The following ZNF471 variants were observed in gnomAD, a reference collection of about 807,000 sequenced individuals.
ZNF471 encodes the protein EZFIT-related protein 1.
Under a neutral mutation model 13.7 loss-of-function variants are expected in ZNF471, and 7 were observed. The ratio of observed to expected loss-of-function variants is 0.51; its 90% CI spans 0.29 to 0.96. ZNF471 has a LOEUF of 0.96. ZNF471 is among the 40% of genes least tolerant of loss of function. ZNF471 has a pLI of 0.08. For synonymous variants in ZNF471, 218 were observed against 235.6 expected (o/e 0.93, Z 0.68); for missense variants, 663 against 743.3 (o/e 0.89, Z 1.26).
At position 56,527,869 on chromosome 19, in the gene ZNF471, C is replaced by T. The variant is rs900567567; in HGVS notation, c.*1921C>T. 2.6e-5 allele frequency: 4 copies of T among 152,202 alleles called. No individual in the cohort carries two copies. The highest frequency in any genetic ancestry group is 9.7e-5 in the African/African-American group (4 of 41,440). The allele number at this position is 152,202 out of a possible 1,614,324, so 9.4% of individuals were successfully genotyped here. ...TCACCAAGTCCTGTGGATATATCTG[C>T]TAAATATTTTTGGAATTTATCCACT... On this transcript the variant is annotated 3_prime_UTR_variant, in exon 5 of 5. Transcript: ENST00000308031.
At chr19:56,521,404 C>T (rs1356714064) in intron 4 of ZNF471, among the ~76,000 whole-genome samples, 1 of 151,902 alleles carries the variant, frequency 6.6e-6, no homozygotes, top group African/African-American at 2.4e-5. Context: ...TTTGGGAGGC[C>T]GAGGCAGGCA....
chr19:56,514,802 G>A (rs1568472374), intron 2 of ZNF471, among the ~76,000 whole-genome samples: 1 of 152,050 alleles, frequency 6.6e-6, no homozygotes, highest in Non-Finnish European at 1.5e-5. Flanking sequence ...AAGTCACTAT[G>A]CACAACCTAC....
chr19:56,518,533 A>G lies in ZNF471; in HGVS notation c.212A>G (p.Glu71Gly), dbSNP rs1349170045. Residue 71 changes from glutamate (E) to glycine (G), a missense_variant, in exon 4 of 5, where the codon GAG (glutamate) becomes GGG (glycine). Physicochemically the swap from Glu to Gly is moderately conservative, Grantham distance 98. Transcript: ENST00000308031. ...YVISLLEQGR[E>G]PWEMTSEMTR... Reference sequence around the variant, plus strand: ...ATCTCCTTATTGGAGCAAGGGAGAGAGCCTTGGGAGATGACGAGTGAGATG... The same window carrying G: ...ATCTCCTTATTGGAGCAAGGGAGAGGGCCTTGGGAGATGACGAGTGAGATG... The G allele has an allele frequency of 6.2e-7, 1 of 1,613,680 alleles. No individual in the cohort carries two copies. Among genetic ancestry groups the G allele is most frequent in the Non-Finnish European group, 8.5e-7 (1 of 1,179,876 alleles).
At chr19:56,519,807 A>G (rs998968876) in intron 4 of ZNF471, among the ~76,000 whole-genome samples, 1 of 152,218 alleles carries the variant, frequency 6.6e-6, no homozygotes, top group African/African-American at 2.4e-5. Flanking sequence ...GAAGTAAACA[A>G]TTTATATGTT....
At position 56,525,970 on chromosome 19, in the gene ZNF471, G is replaced by C; in HGVS notation, c.*22G>C. ...TTAAGAATGTAGTGCATGTGGCCAA[G>C]CCTTTAGTTATCACCAATCCCCTAC... On this transcript the variant is annotated 3_prime_UTR_variant, in exon 5 of 5. Transcript: ENST00000308031. 2 of 1,526,808 alleles carry C rather than the reference G, an allele frequency of 1.3e-6. No homozygotes were observed. Among genetic ancestry groups the C allele is most frequent in the Middle Eastern group, 1.8e-4 (1 of 5,652 alleles). The allele number at this position is 1,526,808 out of a possible 1,614,324, so 94.6% of individuals were successfully genotyped here. A position where few individuals can be genotyped will look rare whatever the true frequency, so the allele number is the denominator to read the frequency against.
Position 56,510,965 on chromosome 19 carries a change from C to G in ZNF471, c.-55-552C>G. 1.0e-6 allele frequency: 1 copy of G among 985,242 alleles called. No individual in the cohort carries two copies. Among genetic ancestry groups the G allele is most frequent in the African/African-American group, 1.8e-5 (1 of 56,948 alleles). The allele number at this position is 985,242 out of a possible 1,614,324, so 61.0% of individuals were successfully genotyped here. A position where few individuals can be genotyped will look rare whatever the true frequency, so the allele number is the denominator to read the frequency against. ...CAGAATTGAGTGCTAAAGGTTCCAT[C>G]GTTTCAGGGTGAGGAAAGTGAAACA... On this transcript the variant is annotated intron_variant, in intron 1 of 4. Transcript: ENST00000308031. This position sits in a 1 kb window ranked among gnomAD's most constrained non-coding sequence, Gnocchi z 4.3.
chr19:56,512,688 T>C (rs1023250711), intron 2 of ZNF471, among the ~76,000 whole-genome samples: 5 of 152,118 alleles, frequency 3.3e-5, no homozygotes, highest in Non-Finnish European at 4.4e-5. Context: ...TTTTAATCTT[T>C]TAATTTTTAA....
intron 2 of ZNF471, among the ~76,000 whole-genome samples, chr19:56,513,713 T>C (rs908506098): frequency 6.6e-6 from 1 of 152,162 alleles, no homozygotes; most frequent in Non-Finnish European, 1.5e-5. Flanking sequence ...TCTTATGTGT[T>C]TCTATTTTGT....
At position 56,528,933 on chromosome 19, in the gene ZNF471, A is replaced by C. The variant is rs1457244729; in HGVS notation, c.*2985A>C. On this transcript the variant is annotated 3_prime_UTR_variant, in exon 5 of 5. Coordinates refer to ENST00000308031, the MANE Select transcript of ZNF471 (RefSeq NM_020813.4). ...CTGGAGTATATTTTTTTTAAAAAAA[A>C]CACTTAAAATGTTCCACTTCTTTCA... 6.6e-6 allele frequency: 1 copy of C among 152,080 alleles called. No individual in the cohort carries two copies. The highest frequency in any genetic ancestry group is 2.4e-5 in the African/African-American group (1 of 41,406). 9.4% of individuals were successfully genotyped at this position (152,080 alleles called of 1,614,324 possible).
chr19:56,514,646 CAG>C (rs139023820), intron 2 of ZNF471, among the ~76,000 whole-genome samples: 22,083 of 152,084 alleles, frequency 0.15, 1,824 homozygotes, highest in Middle Eastern at 0.21. Flanking sequence ...CACATCAAAT[CAG>C]GGGTGCACAC....
At chr19:56,509,462 G>A (rs549138705) in intron 1 of ZNF471, among the ~76,000 whole-genome samples, 103 of 152,276 alleles carry the variant, frequency 6.8e-4, no homozygotes, top group African/African-American at 2.4e-3. Context: ...TTAATTGAAC[G>A]CAAGGAGGGG....
chr19:56,528,322 T>C lies in ZNF471; in HGVS notation c.*2374T>C, dbSNP rs1208433489. 6.6e-6 allele frequency: 1 copy of C among 152,196 alleles called. No individual in the cohort carries two copies. Among genetic ancestry groups the C allele is most frequent in the Non-Finnish European group, 1.5e-5 (1 of 68,040 alleles). 9.4% of individuals were successfully genotyped at this position (152,196 alleles called of 1,614,324 possible). On this transcript the variant is annotated 3_prime_UTR_variant, in exon 5 of 5. Coordinates refer to ENST00000308031, the MANE Select transcript of ZNF471 (RefSeq NM_020813.4). The stretch of plus-strand genomic sequence containing the variant: ...TGCTTAGTAAATGTTAGATAAGTAT[T>C]CTCCAGAATTGATGTAAATTATTTT...
At chr19:56,512,732 T>C (rs73629913) in intron 2 of ZNF471, among the ~76,000 whole-genome samples, 3,419 of 152,230 alleles carry the variant, frequency 0.022, 114 homozygotes, top group African/African-American at 0.076. Context: ...AAACAATGTA[T>C]AAAAAGGAAT....
intron 2 of ZNF471, among the ~76,000 whole-genome samples, chr19:56,513,771 G>C (rs1484324048): frequency 1.3e-5 from 2 of 151,842 alleles, no homozygotes; most frequent in African/African-American, 2.4e-5. Context: ...CCTCATTTTG[G>C]GTTTAGTGCT....
intron 3 of ZNF471, among the ~76,000 whole-genome samples, chr19:56,517,268 A>G (rs1457436484): frequency 2.2e-5 from 3 of 137,208 alleles, no homozygotes; most frequent in Admixed American, 7.5e-5. Flanking sequence ...AAGTAGCTGG[A>G]TTACAGGCAC....
chr19:56,520,365 G>A (rs1189668857), intron 4 of ZNF471, among the ~76,000 whole-genome samples: 1 of 152,166 alleles, frequency 6.6e-6, no homozygotes, highest in Non-Finnish European at 1.5e-5. Context: ...TGGAGTTGAA[G>A]ACAATCTTCA....
chr19:56,519,143 G>A (rs574260590), intron 4 of ZNF471, among the ~76,000 whole-genome samples: 1 of 152,122 alleles, frequency 6.6e-6, no homozygotes, highest in African/African-American at 2.4e-5. Context: ...TGAGTTACAG[G>A]TATACCAAGC....
intron 4 of ZNF471, among the ~76,000 whole-genome samples, chr19:56,521,096 A>C (rs1049878391): frequency 1.3e-5 from 2 of 152,178 alleles, no homozygotes; most frequent in African/African-American, 4.8e-5. Context: ...ATTCACTGCC[A>C]GTGAACAGTA....
chr19:56,521,965 C>T (rs2043980351), intron 4 of ZNF471, among the ~76,000 whole-genome samples: 1 of 152,046 alleles, frequency 6.6e-6, no homozygotes, highest in Non-Finnish European at 1.5e-5. Context: ...TATAAAATGT[C>T]CTCATAGCAT....
Sources: gnomAD v4.1 joint callset for allele counts (sites outside exome capture counted in the v4.1 genomes callset) on GRCh38, gnomAD v4.1.1 for gene constraint, Gnocchi (gnomAD v3.1) non-coding constraint, MANE v1.5 for transcripts, NCBI Gene and HGNC (gene_info 2026-07-23, HGNC 2026-07-21) for gene names.